ATXN7L1: variants seen among roughly 807,000 people sequenced by gnomAD.
ATXN7L1 encodes the protein ataxin-7-like protein 1.
In ATXN7L1, 15 loss-of-function variants were observed where a neutral mutation model predicts 70.8. The observed-to-expected ratio is 0.21, with a 90% CI of 0.14 to 0.33. The LOEUF (loss-of-function observed/expected upper bound fraction) is 0.33, where lower values mean the gene tolerates loss of function less well. Among genes scored for constraint, ATXN7L1 ranks in the 10% least tolerant of loss-of-function variants. ATXN7L1 has a pLI of 1.00. For missense variants in ATXN7L1, 975 were observed against 1,097.1 expected (o/e 0.89, Z 1.57); for synonymous variants, 440 against 445.1 (o/e 0.99, Z 0.14).
At chr7:105,629,250 T>G (rs1457527002) in intron 7 of ATXN7L1, among the ~76,000 whole-genome samples, 1 of 152,072 alleles carries the variant, frequency 6.6e-6, no homozygotes, top group Non-Finnish European at 1.5e-5. Flanking sequence ...TAACTGAAAG[T>G]TGTCTAGTAT....
Position 105,765,315 on chromosome 7 carries a change from G to GAA in ATXN7L1, c.355+23287_355+23288dup, listed in dbSNP as rs756390237. On this transcript the variant is annotated intron_variant, in intron 3 of 11. Transcript: ENST00000419735. ...CGCCACTGCACTCCAGCCTGGGTCA[G>GAA]AAAAAAAAAAAAAACCCTCTAAATA... is the stretch of plus-strand genomic sequence containing the variant. 7.8e-3 allele frequency among the ~76,000 whole-genome samples: 1,087 copies of GAA among 139,188 alleles called. 7 individuals carry two copies. The highest frequency in any genetic ancestry group is 0.017 in the African/African-American group (666 of 38,230). The allele number at this position is 139,188 out of a possible 152,430, so 91.3% of individuals were successfully genotyped here.
At chr7:105,809,873 T>G (rs1048667772) in intron 2 of ATXN7L1, among the ~76,000 whole-genome samples, 1 of 152,082 alleles carries the variant, frequency 6.6e-6, no homozygotes, top group Non-Finnish European at 1.5e-5. Flanking sequence ...TGGGCTCAAG[T>G]GATCCTCCCA....
intron 2 of ATXN7L1, among the ~76,000 whole-genome samples, chr7:105,824,138 A>G (rs1176697171): frequency 2.0e-5 from 3 of 152,142 alleles, no homozygotes; most frequent in East Asian, 1.9e-4. Flanking sequence ...GGGATAATTC[A>G]TCTCTGAAAA....
At chr7:105,772,244 TTGTATTTTTAGTGGAG>T (rs1208617985) in intron 3 of ATXN7L1, among the ~76,000 whole-genome samples, 1 of 152,044 alleles carries the variant, frequency 6.6e-6, no homozygotes, top group Non-Finnish European at 1.5e-5. Context: ...TGGCTTATTT[TTGTATTTTTAGTGGAG>T]ATGGGGTTTC....
intron 9 of ATXN7L1, among the ~76,000 whole-genome samples, chr7:105,619,165 T>TTTTTTTTTTTTTTTTTA (rs869296716): frequency 7.1e-6 from 1 of 140,614 alleles, no homozygotes; most frequent in Non-Finnish European, 1.5e-5. Context: ...TTTTTTTTTT[T>TTTTTTTTTTTTTTTTTA]GAGACGGAGT....
chr7:105,692,361 ATT>A (rs1349054997), intron 3 of ATXN7L1, among the ~76,000 whole-genome samples: 14 of 122,264 alleles, frequency 1.1e-4, no homozygotes, highest in South Asian at 2.9e-4. Flanking sequence ...TGCTGGATGA[ATT>A]TCTTTCTTTC....
At chr7:105,622,842 AC>A (rs1194238175) in intron 8 of ATXN7L1, among the ~76,000 whole-genome samples, 2 of 152,154 alleles carry the variant, frequency 1.3e-5, no homozygotes, top group African/African-American at 4.8e-5. Flanking sequence ...TGAGTAGCAC[AC>A]CACTGGGTGA....
chr7:105,692,296 G>A (rs1171809739), intron 3 of ATXN7L1, among the ~76,000 whole-genome samples: 1 of 152,166 alleles, frequency 6.6e-6, no homozygotes, highest in Non-Finnish European at 1.5e-5. Flanking sequence ...TGGGGGTGAT[G>A]GCAGGAGCAC....
chr7:105,751,763 A>G (rs558413850), intron 3 of ATXN7L1, among the ~76,000 whole-genome samples: 1 of 152,346 alleles, frequency 6.6e-6, no homozygotes, highest in African/African-American at 2.4e-5. Context: ...ACTAGACTTG[A>G]AGACTACTCA....
chr7:105,613,798 G>A, intron 10 of ATXN7L1, 64 bp downstream of exon 10: 2 of 1,551,042 alleles, frequency 1.3e-6, no homozygotes, highest in South Asian at 2.4e-5. Flanking sequence ...CGGCTAAGCA[G>A]GGGCGCTGCC....
chr7:105,747,134 G>A (rs1421305786), intron 3 of ATXN7L1, among the ~76,000 whole-genome samples: 2 of 152,216 alleles, frequency 1.3e-5, no homozygotes, highest in African/African-American at 4.8e-5. Flanking sequence ...TGAGTTGACT[G>A]ATGGCAGCGG....
intron 2 of ATXN7L1, 148 bp from the exon 3 acceptor site, chr7:105,788,856 T>C: frequency 1.5e-6 from 1 of 660,472 alleles, no homozygotes. Context: ...ACTCGGTTTG[T>C]CATAAGGCAA....
At chr7:105,864,731 T>G (rs905788438) in intron 2 of ATXN7L1, among the ~76,000 whole-genome samples, 2 of 151,884 alleles carry the variant, frequency 1.3e-5, no homozygotes, top group East Asian at 3.9e-4. Context: ...CCTCCCGAAT[T>G]CAAGCAATTC....
chr7:105,757,739 C>T (rs1162391700), intron 3 of ATXN7L1, among the ~76,000 whole-genome samples: 3 of 146,878 alleles, frequency 2.0e-5, no homozygotes, highest in Non-Finnish European at 4.4e-5. Flanking sequence ...TGCAAAACCC[C>T]GCCTGGCTAA....
At chr7:105,689,541 C>T (rs967610368) in intron 3 of ATXN7L1, among the ~76,000 whole-genome samples, 5 of 152,144 alleles carry the variant, frequency 3.3e-5, no homozygotes, top group Non-Finnish European at 7.3e-5. Context: ...CAGCTGGGGG[C>T]AGCCCCCATA....
Position 105,876,593 on chromosome 7 carries a change from GGGGA to G in ATXN7L1, c.-39_-36del. 107 of 1,538,774 alleles carry G rather than the reference GGGGA, an allele frequency of 7.0e-5. No individual in the cohort carries two copies. Among genetic ancestry groups the G allele is most frequent in the Non-Finnish European group, 8.3e-5 (94 of 1,126,462 alleles). On this transcript the variant is annotated 5_prime_UTR_variant, in exon 1 of 12. Transcript: ENST00000419735. ...GTTCCGACATTGAGTGTTCTGAAAG[GGGGA>G]GGGAGGGAGGAAGGGCGGGATGGGA...
intron 2 of ATXN7L1, among the ~76,000 whole-genome samples, chr7:105,844,436 C>T (rs1813672169): frequency 6.6e-6 from 1 of 152,170 alleles, no homozygotes; most frequent in Admixed American, 6.5e-5. Context: ...ATATGAAAAT[C>T]AATCCATGTA....
chr7:105,686,764 T>C (rs751691028), intron 3 of ATXN7L1, among the ~76,000 whole-genome samples: 8 of 152,250 alleles, frequency 5.3e-5, no homozygotes, highest in Non-Finnish European at 7.3e-5. Flanking sequence ...GGAATGCATG[T>C]CACTTCTGTA....
At chr7:105,637,343 T>C (rs1363499106) in intron 7 of ATXN7L1, among the ~76,000 whole-genome samples, 1 of 152,216 alleles carries the variant, frequency 6.6e-6, no homozygotes, top group Non-Finnish European at 1.5e-5. Flanking sequence ...TACGACTATG[T>C]CCTCTTAAAG....
Sources: gnomAD v4.1 joint callset for allele counts (sites outside exome capture counted in the v4.1 genomes callset) on GRCh38, gnomAD v4.1.1 for gene constraint, MANE v1.5 for transcripts, NCBI Gene and HGNC (gene_info 2026-07-23, HGNC 2026-07-21) for gene names.